The following CEACAM20 variants were observed in gnomAD, a reference collection of about 807,000 sequenced individuals.
CEACAM20 encodes the protein CEA cell adhesion molecule 20.
CEACAM20 carries 50 observed loss-of-function variants against 61.2 expected under a neutral mutation model. That is an observed-to-expected ratio of 0.82 (90% CI 0.65 to 1.03). The LOEUF is 1.03. Among genes scored for constraint, CEACAM20 ranks in the 50% least tolerant of loss-of-function variants. The probability of loss-of-function intolerance (pLI) is 0.00; values close to 1 mark genes in which losing one functional copy is unlikely to be tolerated. For missense variants in CEACAM20, 683 were observed against 736.4 expected, an observed-to-expected ratio of 0.93 and a Z score of 0.84; for synonymous variants, 282 against 287.7, an observed-to-expected ratio of 0.98 and a Z score of 0.20.
intron 2 of CEACAM20, 143 bp from the exon 3 acceptor site, chr19:44,524,404 C>A: frequency 1.2e-6 from 1 of 837,046 alleles, no homozygotes; most frequent in South Asian, 1.8e-5. Flanking sequence ...GGCTTGAATG[C>A]TGGATCTACT....
Position 44,513,211 on chromosome 19 carries a change from G to C in CEACAM20, c.1388C>G (p.Ser463Ter), listed in dbSNP as rs555408583. The change falls in exon 7 of 12, where the codon TCA becomes TGA. Residue 463 changes from serine to a stop codon, truncating the protein, a stop_gained. Coordinates refer to ENST00000614924, the MANE Select transcript of CEACAM20 (RefSeq NM_001102597.3). LOFTEE classifies it high-confidence loss of function. ...GATGCAGAGAAAATAGCCCAGTTCT[G>C]AGGCCACAGCAATGACAGCCAGGAT... ...IGILAVIAVA[S>*]ELGYFLCIRN... 6.2e-7 allele frequency: 1 copy of C among 1,613,688 alleles called. No individual in the cohort carries two copies. The highest frequency in any genetic ancestry group is 1.3e-5 in the African/African-American group (1 of 74,950).
chr19:44,516,953 CT>C lies in CEACAM20; in HGVS notation c.1301del (p.Lys434ArgfsTer3). 1 of 1,597,202 alleles carries C rather than the reference CT, an allele frequency of 6.3e-7. No homozygotes were observed. Among genetic ancestry groups the C allele is most frequent in the South Asian group, 1.1e-5 (1 of 87,846 alleles). ...CGACCCTGAGAGACTCACCTACCACCTTGACCAGGACTGAAGTGGAGCGGGC... is the reference window on the plus strand; with the variant it reads ...CGACCCTGAGAGACTCACCTACCACCTGACCAGGACTGAAGTGGAGCGGGC... ...GLARSTSVLV[K>X]VVGPQSSSLS... On this transcript the variant is annotated frameshift_variant, in exon 6 of 12. Coordinates refer to ENST00000614924, the MANE Select transcript of CEACAM20 (RefSeq NM_001102597.3). LOFTEE classifies it high-confidence loss of function.
At position 44,524,262 on chromosome 19, in the gene CEACAM20, C is replaced by G. The variant is rs1971461486; in HGVS notation, c.197-1G>C. 6.2e-7 allele frequency: 1 copy of G among 1,610,152 alleles called. No homozygotes were observed. The highest frequency in any genetic ancestry group is 1.7e-5 in the Admixed American group (1 of 59,842). ...ACTGCAATGGAGGGTTTGGCCAGCT[C>G]TGAAAGCAAGCGAGGGAGACAGAGG... On this transcript the variant is annotated splice_acceptor_variant, in intron 2 of 11. Transcript: ENST00000614924. LOFTEE classifies it high-confidence loss of function.
At chr19:44,529,315 CTATT>C in intron 1 of CEACAM20, 139 bp downstream of exon 1, 1 of 726,672 alleles carries the variant, frequency 1.4e-6, no homozygotes, top group Non-Finnish European at 2.4e-6. Context: ...CTCTGTGTCT[CTATT>C]TTTTTTCTCT....
intron 8 of CEACAM20, 138 bp from the exon 9 acceptor site, chr19:44,512,216 T>C (rs1005112846): frequency 4.3e-6 from 3 of 703,470 alleles, no homozygotes; most frequent in African/African-American, 3.5e-5. Context: ...TCCAGTGAGC[T>C]TGACCAGGAA....
At chr19:44,512,194 C>T (rs886998815) in intron 8 of CEACAM20, 116 bp from the exon 9 acceptor site, 4 of 758,186 alleles carry the variant, frequency 5.3e-6, no homozygotes, top group Non-Finnish European at 9.2e-6. Flanking sequence ...TCCCAGGACT[C>T]CCTGTCATAT....
rs777868464 is a variant in CEACAM20 at position 44,522,633 on chromosome 19, C to T, written c.751+1G>A. The T allele has an allele frequency of 1.9e-6, 3 of 1,611,140 alleles. No individual in the cohort carries two copies. Among genetic ancestry groups the T allele is most frequent in the Admixed American group, 1.7e-5 (1 of 59,812 alleles). ...GAGAGGAACCGGGAAAGGAGACTCA[C>T]CAAGTACTCGGACCTTCAGAGTACC... is the stretch of plus-strand genomic sequence containing the variant. On this transcript the variant is annotated splice_donor_variant, in intron 4 of 11. Transcript: ENST00000614924. LOFTEE classifies it high-confidence loss of function.
At chr19:44,515,657 A>C (rs1163362583) in intron 6 of CEACAM20, among the ~76,000 whole-genome samples, 1 of 152,212 alleles carries the variant, frequency 6.6e-6, no homozygotes, top group Non-Finnish European at 1.5e-5. Flanking sequence ...GACATGTGGC[A>C]CAGGCTCAAT....
chr19:44,511,769 A>G (rs1971007947), intron 9 of CEACAM20, 97 bp from the exon 10 acceptor site: 3 of 1,229,318 alleles, frequency 2.4e-6, no homozygotes, highest in Non-Finnish European at 1.2e-6. Flanking sequence ...AGGCAATTAT[A>G]GCACTTCTGA....
intron 1 of CEACAM20, among the ~76,000 whole-genome samples, chr19:44,527,246 A>G (rs1473126337): frequency 6.6e-6 from 1 of 151,542 alleles, no homozygotes; most frequent in Non-Finnish European, 1.5e-5. Flanking sequence ...AACACAGTTC[A>G]TAGCAAATAT....
chr19:44,529,376 AC>A, intron 1 of CEACAM20, 81 bp downstream of exon 1: 5 of 1,234,850 alleles, frequency 4.0e-6, no homozygotes, highest in Non-Finnish European at 5.9e-6. Flanking sequence ...ACACACACAC[AC>A]ACACACACAC....
At chr19:44,506,933 G>C (rs1267275115) in intron 11 of CEACAM20, among the ~76,000 whole-genome samples, 1 of 152,170 alleles carries the variant, frequency 6.6e-6, no homozygotes, top group Non-Finnish European at 1.5e-5. Context: ...TACAGCAACT[G>C]ATAACTCTAC....
chr19:44,520,330 GC>G, intron 5 of CEACAM20, 143 bp downstream of exon 5: 4 of 1,077,324 alleles, frequency 3.7e-6, no homozygotes, highest in Non-Finnish European at 5.2e-6. Context: ...CTGAGGGCAG[GC>G]ACTTGGCCCT....
rs773556783 is a variant in CEACAM20, at chr19:44,517,005, G to A, written c.1250C>T (p.Thr417Ile). Residue 417 changes from threonine (T) to isoleucine (I), a missense_variant, in exon 6 of 12, where the codon ACA becomes ATA. Thr to Ile is a moderately conservative substitution (Grantham distance 89). Transcript: ENST00000614924. Reference protein sequence around the residue: ...TWEHDGIYNCTASNSLTGLAR... With the variant: ...TWEHDGIYNCIASNSLTGLAR... ...CAGGCCAGTGAGAGAGTTGGAGGCT[G>A]TGCAGTTGTAGATCCCGTCGTGTTC... 1.3e-6 allele frequency: 2 copies of A among 1,597,672 alleles called. No homozygotes were observed. The highest frequency in any genetic ancestry group is 1.8e-5 in the Admixed American group (1 of 56,934).
At chr19:44,529,382 ACACACACACAC>A (rs1414736281) in intron 1 of CEACAM20, 65 bp downstream of exon 1, 1 of 1,305,256 alleles carries the variant, frequency 7.7e-7, no homozygotes, top group African/African-American at 1.5e-5. Context: ...ACACACACAC[ACACACACACAC>A]ACCGCTGACA....
intron 2 of CEACAM20, 52 bp downstream of exon 2, chr19:44,525,049 G>C: frequency 7.5e-6 from 12 of 1,594,998 alleles, no homozygotes; most frequent in Non-Finnish European, 1.0e-5. Context: ...TCGGATGAGG[G>C]ATCTCCATGG....
At chr19:44,524,624 G>A (rs1971472225) in intron 2 of CEACAM20, among the ~76,000 whole-genome samples, 1 of 152,082 alleles carries the variant, frequency 6.6e-6, no homozygotes, top group South Asian at 2.1e-4. Context: ...CTGTCACCCA[G>A]GCTGGAGTGC....
chr19:44,517,696 CAAAAAAAAA>C (rs1165418272), intron 5 of CEACAM20, among the ~76,000 whole-genome samples: 6 of 65,988 alleles, frequency 9.1e-5, no homozygotes, highest in African/African-American at 3.7e-4. Context: ...GATTCCATCT[CAAAAAAAAA>C]AAAAAAAGAA....
chr19:44,508,831 C>T (rs1305584825), intron 11 of CEACAM20, among the ~76,000 whole-genome samples: 1 of 152,140 alleles, frequency 6.6e-6, no homozygotes, highest in African/African-American at 2.4e-5. Context: ...CATATATTGA[C>T]TTCTTGCTAT....
Sources: allele counts gnomAD v4.1 joint callset (sites outside exome capture counted in the v4.1 genomes callset), GRCh38; gene constraint gnomAD v4.1.1; transcripts MANE v1.5; gene names NCBI Gene and HGNC (gene_info 2026-07-23, HGNC 2026-07-21).